Variants in TTC7A observed in about 807,000 individuals in gnomAD.
The protein encoded by TTC7A is tetratricopeptide repeat domain 7A, also known as tetratricopeptide repeat protein 7A.
TTC7A carries 110 observed loss-of-function variants against 103.7 expected under a neutral mutation model. That is an observed-to-expected ratio of 1.06 (90% CI 0.91 to 1.24). The LOEUF (loss-of-function observed/expected upper bound fraction) is 1.24. Ranked by LOEUF, TTC7A falls within the 50% of genes most tolerant of loss-of-function variation. The pLI, the probability that TTC7A is intolerant of heterozygous loss-of-function variation, is 0.00. For missense variants in TTC7A, 1,340 were observed against 1,116.3 expected (o/e 1.20, Z -2.86); for synonymous variants, 521 against 467.9 (o/e 1.11, Z -1.47).
intron 15 of TTC7A, among the ~76,000 whole-genome samples, chr2:47,032,179 G>A (rs1393210833): frequency 6.6e-6 from 1 of 152,236 alleles, no homozygotes; most frequent in Non-Finnish European, 1.5e-5. Flanking sequence ...GGAGGCCCAA[G>A]GGTGGACATC....
intron 5 of TTC7A, among the ~76,000 whole-genome samples, chr2:46,984,724 G>T (rs184077983): frequency 6.6e-6 from 1 of 152,190 alleles, no homozygotes; most frequent in Non-Finnish European, 1.5e-5. Flanking sequence ...GGTGTACAGT[G>T]CTCTGGGAAG....
chr2:46,994,032 T>C (rs1675897231), intron 6 of TTC7A, among the ~76,000 whole-genome samples: 1 of 152,090 alleles, frequency 6.6e-6, no homozygotes, highest in African/African-American at 2.4e-5. Context: ...CTCTTCCCAA[T>C]ACTGCAAGGT....
chr2:46,991,294 C>T (rs764880858), intron 5 of TTC7A, among the ~76,000 whole-genome samples: 7 of 152,068 alleles, frequency 4.6e-5, no homozygotes, highest in South Asian at 2.1e-4. Context: ...GGGATACGGA[C>T]GCTGCTAGTC....
chr2:47,006,737 G>C lies in TTC7A; in HGVS notation c.1287+13G>C, dbSNP rs754592835. On this transcript the variant is annotated intron_variant, in intron 10 of 19. Coordinates refer to ENST00000319190, the MANE Select transcript of TTC7A (RefSeq NM_020458.4). Reference sequence around the variant, plus strand: ...GGCTTGTGGGAAGGTAAGGCCCAGGGGGCGCTAGGGGTTGCACACTCACCC... The same window carrying C: ...GGCTTGTGGGAAGGTAAGGCCCAGGCGGCGCTAGGGGTTGCACACTCACCC... 2 of 1,603,892 alleles carry C rather than the reference G, an allele frequency of 1.2e-6. No homozygotes were observed. Among genetic ancestry groups the C allele is most frequent in the Non-Finnish European group, 8.5e-7 (1 of 1,170,630 alleles).
chr2:46,955,509 G>T lies in TTC7A; in HGVS notation c.349-1330G>T, dbSNP rs576116356. The stretch of plus-strand genomic sequence containing the variant: ...AGGGAGCTCCCTGGTAGTCAAGGAG[G>T]CTTTCAGGAGAAGGTGGGCCTGAGC... On this transcript the variant is annotated intron_variant, in intron 2 of 19. Coordinates refer to ENST00000319190, the MANE Select transcript of TTC7A (RefSeq NM_020458.4). Among the ~76,000 whole-genome samples, 100 of 152,350 alleles carry T rather than the reference G, an allele frequency of 6.6e-4. No homozygotes were observed. In the South Asian group the frequency reaches 0.019, roughly 29 times the overall value.
intron 16 of TTC7A, among the ~76,000 whole-genome samples, chr2:47,049,623 C>T (rs1413457147): frequency 6.6e-6 from 1 of 152,162 alleles, no homozygotes; most frequent in African/African-American, 2.4e-5. Context: ...TCCCCACTCT[C>T]TGCCTGGCAC....
rs115479276 is a variant in TTC7A, at chr2:47,005,994, G to A, written c.1138G>A (p.Ala380Thr). ...CCGGACAGTGAGCTTGCAGAATGCC[G>A]CAGCCATCTATGACCTCCTGAGCAT... is the stretch of plus-strand genomic sequence containing the variant. ...EDRTVSLQNA[A>T]AIYDLLSITL... Residue 380 changes from alanine (A) to threonine (T), a missense_variant, in exon 9 of 20, where the codon GCA (alanine) becomes ACA (threonine). Physicochemically the swap from Ala to Thr is moderately conservative, Grantham distance 58. Transcript: ENST00000319190. 320 of 1,614,072 alleles carry A rather than the reference G, an allele frequency of 2.0e-4. 1 individual carries two copies. The African/African-American group carries it at 2.4e-3, about 12-fold the overall frequency.
intron 2 of TTC7A, among the ~76,000 whole-genome samples, chr2:46,930,549 G>C (rs1285562822): frequency 6.7e-6 from 1 of 148,672 alleles, no homozygotes; most frequent in Admixed American, 6.7e-5. Context: ...CCCCAGGCTG[G>C]AATGCAGTGG....
At chr2:47,023,354 G>A (rs528760726) in intron 12 of TTC7A, 54 bp from the exon 13 acceptor site, 21 of 1,585,682 alleles carry the variant, frequency 1.3e-5, no homozygotes, top group African/African-American at 4.0e-5. Context: ...GCAGGGCTGG[G>A]CCGGCACCCT....
upstream of TTC7A, chr2:46,941,097 G>C (rs965279819): frequency 5.4e-5 from 8 of 148,964 alleles, no homozygotes; most frequent in African/African-American, 2.0e-4. The surrounding 1 kb of genome is among the most constrained non-coding windows in gnomAD (Gnocchi z 4.2). Flanking sequence ...TCGCGCGCCT[G>C]GCTGCTGTGG....
At position 47,032,859 on chromosome 2, in the gene TTC7A, CAAAAAA is replaced by C. The variant is rs10586448; in HGVS notation, c.1802+3495_1802+3500del. 4.3e-3 allele frequency among the ~76,000 whole-genome samples: 382 copies of C among 87,944 alleles called. 3 individuals carry two copies. The highest frequency in any genetic ancestry group is 0.013 in the African/African-American group (346 of 26,562). 57.7% of individuals were successfully genotyped at this position (87,944 alleles called of 152,430 possible). On this transcript the variant is annotated intron_variant, in intron 15 of 19. Transcript: ENST00000319190. Reference sequence around the variant, plus strand: ...GAGAATAAATCTCTGTTGTTTTAAGCAAAAAAAAAAAAAAAAAAAAAAAAATTGTAT... The same window carrying C: ...GAGAATAAATCTCTGTTGTTTTAAGCAAAAAAAAAAAAAAAAAAATTGTAT...
intron 18 of TTC7A, among the ~76,000 whole-genome samples, chr2:47,053,284 G>T (rs556900838): frequency 6.6e-6 from 1 of 152,258 alleles, no homozygotes; most frequent in East Asian, 1.9e-4. Flanking sequence ...TTAGGCAAAG[G>T]TTCCCGTCGT....
At chr2:47,039,039 C>A (rs1186672604) in intron 15 of TTC7A, among the ~76,000 whole-genome samples, 1 of 152,132 alleles carries the variant, frequency 6.6e-6, no homozygotes, top group African/African-American at 2.4e-5. Context: ...GGGTGACATG[C>A]GCCAGGCACA....
chr2:47,008,841 G>A (rs939149862), intron 10 of TTC7A, among the ~76,000 whole-genome samples: 8 of 151,470 alleles, frequency 5.3e-5, no homozygotes, highest in East Asian at 1.9e-4. Flanking sequence ...GATTTAGGTC[G>A]TTCCTTCTCT....
At position 47,060,826 on chromosome 2, in the gene TTC7A, C is replaced by A. The variant is rs150405237; in HGVS notation, c.2210C>A (p.Ala737Glu). 3 of 1,613,814 alleles carry A rather than the reference C, an allele frequency of 1.9e-6. No individual in the cohort carries two copies. Among genetic ancestry groups the A allele is most frequent in the Non-Finnish European group, 2.5e-6 (3 of 1,179,730 alleles). Residue 737 changes from alanine to glutamate, a missense_variant, in exon 19 of 20, where the codon GCG becomes GAG. Transcript: ENST00000319190. ...GAAGCAGGTTTCTGCATCCAGGAGGCGGCGGGCCTCTTCCCCACTTCTCAC... is the reference window on the plus strand; with the variant it reads ...GAAGCAGGTTTCTGCATCCAGGAGGAGGCGGGCCTCTTCCCCACTTCTCAC... ...LKEAGFCIQEAAGLFPTSHSV... is the reference protein window; with the variant it reads ...LKEAGFCIQEEAGLFPTSHSV...
At position 47,060,950 on chromosome 2, in the gene TTC7A, C is replaced by T. The variant is rs747874416; in HGVS notation, c.2334C>T (p.Gly778=). Residue 778 remains glycine, a synonymous_variant, in exon 19 of 20, where the codon GGC becomes GGT. Coordinates refer to ENST00000319190, the MANE Select transcript of TTC7A (RefSeq NM_020458.4). ...AGGCGCTCACGGTGAACCCAGATGG[C>T]GTGCGCATCATGCATAGCCTGGTGA... ...YKEALTVNPD[G]VRIMHSLGLM... is the part of the protein sequence containing the mutation. 29 of 1,613,194 alleles carry T rather than the reference C, an allele frequency of 1.8e-5. No homozygotes were observed. The highest frequency in any genetic ancestry group is 4.5e-5 in the East Asian group (2 of 44,858).
chr2:47,014,344 C>T (rs955663823), intron 11 of TTC7A, among the ~76,000 whole-genome samples: 2 of 152,170 alleles, frequency 1.3e-5, no homozygotes, highest in Admixed American at 1.3e-4. Flanking sequence ...TGGGGGTTCT[C>T]CCAGCACTCT....
chr2:47,024,449 A>T (rs1679662979), intron 14 of TTC7A, 90 bp downstream of exon 14: 1 of 1,219,450 alleles, frequency 8.2e-7, no homozygotes. Flanking sequence ...GACCCTCTGC[A>T]AGTGACTTTG....
At chr2:47,039,565 G>A (rs1234454406) in intron 15 of TTC7A, among the ~76,000 whole-genome samples, 1 of 152,114 alleles carries the variant, frequency 6.6e-6, no homozygotes, top group East Asian at 1.9e-4. Flanking sequence ...TTTTTTTTAA[G>A]TTTTTGGAAA....
Sources: allele counts gnomAD v4.1 joint callset (sites outside exome capture counted in the v4.1 genomes callset), GRCh38; gene constraint gnomAD v4.1.1; non-coding constraint Gnocchi (gnomAD v3.1); transcripts MANE v1.5; gene names NCBI Gene and HGNC (gene_info 2026-07-23, HGNC 2026-07-21).